Variants in HDHD2 observed in about 807,000 individuals in gnomAD.
The protein encoded by HDHD2 is haloacid dehalogenase like hydrolase domain containing 2.
A neutral mutation model predicts 24.8 loss-of-function variants in HDHD2; 26 were observed. That is an observed-to-expected ratio of 1.05 (90% CI 0.77 to 1.45). The LOEUF is 1.45. Among genes scored for constraint, HDHD2 ranks in the 40% most tolerant of loss-of-function variants. The probability of loss-of-function intolerance (pLI) is 0.00; values close to 1 mark genes in which losing one functional copy is unlikely to be tolerated. For synonymous variants in HDHD2, 128 were observed against 114.9 expected, an observed-to-expected ratio of 1.11 and a Z score of -0.73; for missense variants, 299 against 313.4, an observed-to-expected ratio of 0.95 and a Z score of 0.35.
chr18:47,108,476 C>A lies in HDHD2; in HGVS notation c.*206G>T. 1 of 424,232 alleles carries A rather than the reference C, an allele frequency of 2.4e-6. No individual in the cohort carries two copies. Among genetic ancestry groups the A allele is most frequent in the Non-Finnish European group, 4.1e-6 (1 of 242,990 alleles). 26.3% of individuals were successfully genotyped at this position (424,232 alleles called of 1,614,324 possible). On this transcript the variant is annotated 3_prime_UTR_variant, in exon 7 of 7. Coordinates refer to ENST00000300605, the MANE Select transcript of HDHD2 (RefSeq NM_032124.5). ...AGCTTTCCCTTTCTTTGGGTCTCAT[C>A]TTCAGTTACAAAATAAAAGAGATTA...
chr18:47,142,748 C>T lies in HDHD2; in HGVS notation c.-10-6299G>A, dbSNP rs141623888. ...CACAGGATCTTCGATTATCTGCTCT[C>T]GAACCACCCCTCACCCCTTTCTACA... On this transcript the variant is annotated intron_variant, in intron 1 of 6. Coordinates refer to ENST00000300605, the MANE Select transcript of HDHD2 (RefSeq NM_032124.5). Among the ~76,000 whole-genome samples, 293 of 152,158 alleles carry T rather than the reference C, an allele frequency of 1.9e-3. 1 individual carries two copies. The highest frequency in any genetic ancestry group is 6.8e-3 in the African/African-American group (281 of 41,504).
chr18:47,143,739 T>G (rs1022835041), intron 1 of HDHD2, among the ~76,000 whole-genome samples: 8 of 152,180 alleles, frequency 5.3e-5, no homozygotes, highest in African/African-American at 1.7e-4. Flanking sequence ...TGACTACCCA[T>G]CTCATTCAGC....
At chr18:47,112,623 G>A (rs2063524287) in intron 6 of HDHD2, among the ~76,000 whole-genome samples, 1 of 152,168 alleles carries the variant, frequency 6.6e-6, no homozygotes, top group Non-Finnish European at 1.5e-5. Context: ...AGTATCACAG[G>A]TATAGCCAGC....
intron 6 of HDHD2, chr18:47,111,072 T>C (rs2063512072): frequency 1.0e-6 from 1 of 985,198 alleles, no homozygotes. Context: ...GTTCCACATG[T>C]TTTTAGAACA....
intron 1 of HDHD2, among the ~76,000 whole-genome samples, chr18:47,149,482 A>G (rs909280443): frequency 1.3e-5 from 2 of 152,140 alleles, no homozygotes; most frequent in African/African-American, 4.8e-5. Flanking sequence ...ACCTCTGGAT[A>G]AAGTCTGAAC....
chr18:47,120,610 C>T (rs993255087), intron 4 of HDHD2, among the ~76,000 whole-genome samples: 1 of 152,156 alleles, frequency 6.6e-6, no homozygotes, highest in African/African-American at 2.4e-5. Flanking sequence ...CAAGAACTTT[C>T]CTTTGCATTC....
chr18:47,115,433 C>T, intron 4 of HDHD2, 85 bp from the exon 5 acceptor site: 2 of 867,130 alleles, frequency 2.3e-6, no homozygotes, highest in South Asian at 1.6e-5. Context: ...TACAAAGTGG[C>T]TGTATTCACA....
Position 47,130,422 on chromosome 18 carries a change from T to C in HDHD2, c.311-94A>G. On this transcript the variant is annotated intron_variant, in intron 3 of 6. Transcript: ENST00000300605. ...GTCTTAGTCAATCAAGTGCAAACTTTTGCTGTATCCATAATTTAAAATTTA... is the reference window on the plus strand; with the variant it reads ...GTCTTAGTCAATCAAGTGCAAACTTCTGCTGTATCCATAATTTAAAATTTA... 5.1e-6 allele frequency: 4 copies of C among 777,714 alleles called. No individual in the cohort carries two copies. In the South Asian group the frequency reaches 6.8e-5, roughly 13 times the overall value. The allele number at this position is 777,714 out of a possible 1,614,324, so 48.2% of individuals were successfully genotyped here.
At chr18:47,136,913 G>T in intron 1 of HDHD2, 1 of 451,414 alleles carries the variant, frequency 2.2e-6, no homozygotes. Flanking sequence ...CAGAATATGT[G>T]GCTCTCCCTC....
chr18:47,127,710 C>CA (rs1235418525), intron 4 of HDHD2, among the ~76,000 whole-genome samples: 5,266 of 61,308 alleles, frequency 0.086, 282 homozygotes, highest in African/African-American at 0.21. Flanking sequence ...GACTTGGTCT[C>CA]AAAAAAAAAA....
intron 1 of HDHD2, among the ~76,000 whole-genome samples, chr18:47,141,388 T>C (rs990971912): frequency 1.3e-5 from 2 of 152,240 alleles, no homozygotes; most frequent in African/African-American, 2.4e-5. Context: ...TTTAATAAAT[T>C]ATGATATTTG....
intron 4 of HDHD2, among the ~76,000 whole-genome samples, chr18:47,124,329 T>C (rs929510853): frequency 6.6e-6 from 1 of 152,176 alleles, no homozygotes; most frequent in Non-Finnish European, 1.5e-5. Flanking sequence ...CTTCTCATAC[T>C]ATTAAGAGAG....
chr18:47,136,305 C>A (rs1185860612), intron 2 of HDHD2, 34 bp downstream of exon 2: 1 of 1,611,356 alleles, frequency 6.2e-7, no homozygotes, highest in African/African-American at 1.3e-5. Context: ...CACTTACAAA[C>A]ATATTTGTCA....
At chr18:47,111,759 A>G (rs1487801893) in intron 6 of HDHD2, 2 of 985,026 alleles carry the variant, frequency 2.0e-6, no homozygotes, top group Non-Finnish European at 2.4e-6. Flanking sequence ...TTCTTATTCA[A>G]TTGTAGCTCC....
chr18:47,117,123 G>A (rs892454414), intron 4 of HDHD2, among the ~76,000 whole-genome samples: 1 of 152,112 alleles, frequency 6.6e-6, no homozygotes, highest in Non-Finnish European at 1.5e-5. Flanking sequence ...TATTGAGGAT[G>A]GACTGAAAAG....
chr18:47,115,885 C>G (rs142007544), intron 4 of HDHD2, among the ~76,000 whole-genome samples: 3 of 152,266 alleles, frequency 2.0e-5, no homozygotes, highest in African/African-American at 7.2e-5. Flanking sequence ...ACTTTTACTT[C>G]TTTTACCTTT....
At chr18:47,135,512 C>T (rs926089854) in intron 2 of HDHD2, among the ~76,000 whole-genome samples, 15 of 152,090 alleles carry the variant, frequency 9.9e-5, no homozygotes, top group Non-Finnish European at 1.8e-4. Flanking sequence ...CCACCCGCCT[C>T]GGCCTCCCAA....
intron 2 of HDHD2, 82 bp from the exon 3 acceptor site, chr18:47,134,786 C>T (rs1208705961): frequency 4.4e-6 from 5 of 1,139,762 alleles, no homozygotes; most frequent in Non-Finnish European, 6.4e-6. Context: ...TAAAACTGTG[C>T]CAAATGTTTT....
chr18:47,133,448 G>A (rs185927096), intron 3 of HDHD2, among the ~76,000 whole-genome samples: 2 of 147,830 alleles, frequency 1.4e-5, no homozygotes, highest in East Asian at 1.9e-4. Flanking sequence ...TAGTGCCACA[G>A]TAAACATATG....
Sources: gnomAD v4.1 joint callset for allele counts (sites outside exome capture counted in the v4.1 genomes callset) on GRCh38, gnomAD v4.1.1 for gene constraint, MANE v1.5 for transcripts, NCBI Gene and HGNC (gene_info 2026-07-23, HGNC 2026-07-21) for gene names.